Variants in NARS2 observed in about 807,000 individuals in gnomAD.
NARS2 encodes the protein asparaginyl-tRNA synthetase 2, mitochondrial.
Under a neutral mutation model 62.9 loss-of-function variants are expected in NARS2, and 60 were observed. The observed-to-expected ratio is 0.95, with a 90% CI of 0.77 to 1.18. NARS2 has a LOEUF of 1.18. Among genes scored for constraint, NARS2 ranks in the 50% most tolerant of loss-of-function variants. The pLI, the probability that NARS2 is intolerant of heterozygous loss-of-function variation, is 0.00. For synonymous variants in NARS2, 196 were observed against 200.0 expected (o/e 0.98, Z 0.17); for missense variants, 619 against 576.4 (o/e 1.07, Z -0.76).
intron 11 of NARS2, among the ~76,000 whole-genome samples, chr11:78,465,593 T>C (rs1305365135): frequency 3.3e-5 from 5 of 152,102 alleles, no homozygotes; most frequent in Non-Finnish European, 5.9e-5. Context: ...CTCTCAGTCA[T>C]TACAAAACAA....
In NARS2 at chr11:78,454,702, T is replaced by A. The variant is rs146006002; in HGVS notation, c.1165-10944A>T. On this transcript the variant is annotated intron_variant, in intron 11 of 13. Coordinates refer to ENST00000281038, the MANE Select transcript of NARS2 (RefSeq NM_024678.6). Reference sequence around the variant, plus strand: ...GGCGTGATCTCGGCTCACTGCAACCTCCACCTCCCGGGTTCAAGCGATTCT... The same window carrying A: ...GGCGTGATCTCGGCTCACTGCAACCACCACCTCCCGGGTTCAAGCGATTCT... Among the ~76,000 whole-genome samples, 958 of 151,544 alleles carry A rather than the reference T, an allele frequency of 6.3e-3. 11 individuals are homozygous for A. The highest frequency in any genetic ancestry group is 0.022 in the African/African-American group (907 of 41,246).
chr11:78,467,821 T>C (rs1365931516), intron 10 of NARS2, among the ~76,000 whole-genome samples: 1 of 152,086 alleles, frequency 6.6e-6, no homozygotes, highest in East Asian at 1.9e-4. Context: ...AATCATCATG[T>C]CGTATACCCT....
At chr11:78,442,201 C>T (rs1295880517) in intron 12 of NARS2, among the ~76,000 whole-genome samples, 1 of 152,118 alleles carries the variant, frequency 6.6e-6, no homozygotes, top group Non-Finnish European at 1.5e-5. Context: ...GGTTTCTTGC[C>T]ATGTGTGATT....
intron 5 of NARS2, among the ~76,000 whole-genome samples, chr11:78,529,275 A>T (rs1050258731): frequency 6.6e-6 from 1 of 152,258 alleles, no homozygotes. Context: ...GAAGAATTAC[A>T]TAACCTCAAA....
chr11:78,446,174 A>T (rs1000272630), intron 11 of NARS2, among the ~76,000 whole-genome samples: 1 of 152,210 alleles, frequency 6.6e-6, no homozygotes, highest in Non-Finnish European at 1.5e-5. Context: ...CTTTGCCGTT[A>T]AGCCATCCCC....
chr11:78,443,889 A>T (rs1176224381), intron 11 of NARS2, 131 bp from the exon 12 acceptor site: 1 of 626,028 alleles, frequency 1.6e-6, no homozygotes, highest in East Asian at 2.8e-5. Flanking sequence ...CTGACTACAT[A>T]CAAATTATAA....
chr11:78,481,418 C>T (rs1859349108), intron 7 of NARS2, among the ~76,000 whole-genome samples: 1 of 152,004 alleles, frequency 6.6e-6, no homozygotes, highest in Admixed American at 6.6e-5. Context: ...TTAAACAAAG[C>T]TAATACACAT....
chr11:78,468,310 G>GGAAAAAAAAAAA (rs1555015326), intron 10 of NARS2, among the ~76,000 whole-genome samples: 4 of 67,432 alleles, frequency 5.9e-5, no homozygotes, highest in African/African-American at 1.2e-4. Context: ...CACTAAATCT[G>GGAAAAAAAAAAA]AAAAAAAAAA....
At chr11:78,455,879 AT>A (rs1229602979) in intron 11 of NARS2, among the ~76,000 whole-genome samples, 1 of 151,580 alleles carries the variant, frequency 6.6e-6, no homozygotes, top group African/African-American at 2.4e-5. Context: ...TTATCGGCAC[AT>A]ACTCGATAAA....
chr11:78,526,521 C>T (rs1014756208), intron 6 of NARS2, among the ~76,000 whole-genome samples: 2 of 152,102 alleles, frequency 1.3e-5, no homozygotes, highest in African/African-American at 4.8e-5. Flanking sequence ...ATAAATCATA[C>T]TTTAATCAAA....
intron 6 of NARS2, among the ~76,000 whole-genome samples, chr11:78,506,842 T>C (rs1860518899): frequency 6.6e-6 from 1 of 152,176 alleles, no homozygotes; most frequent in African/African-American, 2.4e-5. Flanking sequence ...CTTGGCCTGA[T>C]GTAACTGTTT....
chr11:78,470,117 T>C (rs1022455385), intron 9 of NARS2, among the ~76,000 whole-genome samples: 3 of 152,060 alleles, frequency 2.0e-5, no homozygotes, highest in Non-Finnish European at 4.4e-5. Context: ...GGAAATTACA[T>C]AGGAAAGGCA....
intron 6 of NARS2, among the ~76,000 whole-genome samples, chr11:78,503,424 G>A (rs532901668): frequency 6.6e-6 from 1 of 151,990 alleles, no homozygotes; most frequent in Non-Finnish European, 1.5e-5. Context: ...TTTTAGTAGA[G>A]GCGGGGCTTC....
At chr11:78,441,252 C>T in intron 12 of NARS2, 135 bp from the exon 13 acceptor site, 2 of 697,956 alleles carry the variant, frequency 2.9e-6, no homozygotes, top group Non-Finnish European at 2.4e-6. Flanking sequence ...TCAAGTAATA[C>T]TCAATATAGT....
intron 6 of NARS2, among the ~76,000 whole-genome samples, chr11:78,501,099 CAT>C (rs1189289805): frequency 6.6e-6 from 1 of 152,104 alleles, no homozygotes; most frequent in Non-Finnish European, 1.5e-5. Flanking sequence ...CTCAAACACA[CAT>C]ACACACACAC....
chr11:78,460,047 C>T (rs1029567626), intron 11 of NARS2, among the ~76,000 whole-genome samples: 7 of 152,032 alleles, frequency 4.6e-5, no homozygotes, highest in African/African-American at 1.2e-4. Flanking sequence ...GAATAATATA[C>T]GCAGAGTCTG....
intron 11 of NARS2, among the ~76,000 whole-genome samples, chr11:78,454,120 G>T (rs531974987): frequency 6.5e-4 from 99 of 151,148 alleles, no homozygotes; most frequent in Admixed American, 1.3e-3. Flanking sequence ...TCCTCCACTT[G>T]AGAGAGGACA....
At chr11:78,491,143 T>C (rs577290277) in intron 7 of NARS2, among the ~76,000 whole-genome samples, 1 of 152,326 alleles carries the variant, frequency 6.6e-6, no homozygotes, top group South Asian at 2.1e-4. Context: ...GTCCAGAATA[T>C]GGTTGTTCAA....
At chr11:78,558,163 GTTATT>G (rs1013641938) in intron 5 of NARS2, 2 of 152,126 alleles carry the variant, frequency 1.3e-5, no homozygotes, top group African/African-American at 4.8e-5. Flanking sequence ...TTTACATATG[GTTATT>G]TTGTCACCTG....
Sources: gnomAD v4.1 joint callset for allele counts (sites outside exome capture counted in the v4.1 genomes callset) on GRCh38, gnomAD v4.1.1 for gene constraint, MANE v1.5 for transcripts, NCBI Gene and HGNC (gene_info 2026-07-23, HGNC 2026-07-21) for gene names.